Variants in ATXN8OS observed in about 807,000 individuals in gnomAD.
The protein encoded by ATXN8OS is ATXN8 opposite strand lncRNA.
rs544136621 is a variant in ATXN8OS at position 70,118,978 on chromosome 13, A to C, written n.398+3680A>C. Among the ~76,000 whole-genome samples, 3 of 152,076 alleles carry C rather than the reference A, an allele frequency of 2.0e-5. No individual in the cohort carries two copies. The South Asian group carries it at 6.2e-4, about 31-fold the overall frequency. ...CTGGCACTCAAAAATATGTCAAGCC[A>C]TGGAAAGCTAATTGAAACCACTGAA... On this transcript the variant is annotated intron_variant and non_coding_transcript_variant, in intron 2 of 4. Transcript: ENST00000678624.
At chr13:70,149,237 T>C (rs1454194286) in intron 4 of ATXN8OS, among the ~76,000 whole-genome samples, 1 of 152,130 alleles carries the variant, frequency 6.6e-6, no homozygotes. Flanking sequence ...GTAAGTCATT[T>C]CATAATTACT....
intron 3 of ATXN8OS, among the ~76,000 whole-genome samples, chr13:70,146,512 C>G (rs1351192662): frequency 1.3e-5 from 2 of 152,232 alleles, no homozygotes; most frequent in Non-Finnish European, 2.9e-5. Flanking sequence ...TTGAAACCAA[C>G]CCAAATGTCC....
chr13:70,134,972 T>A (rs1013174315), intron 3 of ATXN8OS, among the ~76,000 whole-genome samples: 4 of 152,154 alleles, frequency 2.6e-5, no homozygotes, highest in Admixed American at 2.6e-4. Context: ...CTTGTTCTCT[T>A]GGGATGGAAG....
intron 4 of ATXN8OS, among the ~76,000 whole-genome samples, chr13:70,161,646 T>A (rs1889009831): frequency 6.6e-6 from 1 of 152,148 alleles, no homozygotes; most frequent in Non-Finnish European, 1.5e-5. Flanking sequence ...TATTTGATTA[T>A]TTTCTGTATT....
chr13:70,119,984 A>G (rs1888334992), intron 2 of ATXN8OS, among the ~76,000 whole-genome samples: 1 of 152,120 alleles, frequency 6.6e-6, no homozygotes, highest in Admixed American at 6.6e-5. Context: ...TTTAACCTGC[A>G]GTTTACATTT....
chr13:70,108,283 ATGCCCCGATAGCC>A (rs1283536504), intron 1 of ATXN8OS: 2 of 367,910 alleles, frequency 5.4e-6, no homozygotes, highest in Non-Finnish European at 9.6e-6. Flanking sequence ...CTTTTCGAGG[ATGCCCCGATAGCC>A]TGCCGGGTGG....
chr13:70,124,266 A>G (rs1888398092), intron 2 of ATXN8OS, among the ~76,000 whole-genome samples: 1 of 152,134 alleles, frequency 6.6e-6, no homozygotes, highest in South Asian at 2.1e-4. Flanking sequence ...CTTTTGTGAA[A>G]CCTATTCTAG....
At chr13:70,135,611 A>G (rs749937975) in intron 3 of ATXN8OS, among the ~76,000 whole-genome samples, 11 of 151,602 alleles carry the variant, frequency 7.3e-5, no homozygotes, top group Non-Finnish European at 2.9e-5. Context: ...TATAATTTAC[A>G]TGGGTCCATA....
At chr13:70,145,254 C>G (rs1484229777) in intron 3 of ATXN8OS, among the ~76,000 whole-genome samples, 2 of 152,048 alleles carry the variant, frequency 1.3e-5, no homozygotes, top group East Asian at 1.9e-4. Context: ...GTTACTGTAG[C>G]CTTGTAGTAT....
intron 3 of ATXN8OS, among the ~76,000 whole-genome samples, chr13:70,143,090 G>A (rs1041481180): frequency 6.7e-6 from 1 of 150,254 alleles, no homozygotes; most frequent in African/African-American, 2.4e-5. Flanking sequence ...AATCGTAAAT[G>A]TACATGACAT....
intron 3 of ATXN8OS, among the ~76,000 whole-genome samples, chr13:70,131,758 C>T (rs967476849): frequency 6.6e-6 from 1 of 152,146 alleles, no homozygotes; most frequent in Admixed American, 6.6e-5. Flanking sequence ...GTGTGTACAA[C>T]TGCATCCTTG....
intron 4 of ATXN8OS, among the ~76,000 whole-genome samples, chr13:70,159,688 T>C (rs1365128998): frequency 6.6e-6 from 1 of 152,176 alleles, no homozygotes; most frequent in East Asian, 1.9e-4. Flanking sequence ...GCTGTCTTTG[T>C]TGTAGCCAAA....
In ATXN8OS at chr13:70,166,426, A is replaced by G. The variant is rs535757257; in HGVS notation, n.574-3327A>G. ...ACAAGAAATGGGGAAAGGATTCCCTATTTAATAAATGGTGCTGGGAAAACT... is the reference window on the plus strand; with the variant it reads ...ACAAGAAATGGGGAAAGGATTCCCTGTTTAATAAATGGTGCTGGGAAAACT... On this transcript the variant is annotated intron_variant and non_coding_transcript_variant, in intron 4 of 4. Coordinates refer to ENST00000678624, the Ensembl canonical transcript of ATXN8OS. Among the ~76,000 whole-genome samples the G allele has an allele frequency of 4.6e-5, 7 of 152,190 alleles. No homozygotes were observed. The East Asian group carries it at 1.4e-3, about 29-fold the overall frequency.
intron 3 of ATXN8OS, among the ~76,000 whole-genome samples, chr13:70,147,215 G>A (rs1326159604): frequency 2.6e-5 from 4 of 152,070 alleles, no homozygotes; most frequent in Non-Finnish European, 5.9e-5. Context: ...AAGAAATATT[G>A]TTCACTGTTT....
chr13:70,154,624 G>C (rs1888914052), intron 4 of ATXN8OS, among the ~76,000 whole-genome samples: 1 of 152,158 alleles, frequency 6.6e-6, no homozygotes, highest in African/African-American at 2.4e-5. Flanking sequence ...TCAGCAATAG[G>C]CACAGCCCAG....
intron 3 of ATXN8OS, among the ~76,000 whole-genome samples, chr13:70,140,257 A>G (rs1431442813): frequency 4.0e-5 from 6 of 151,802 alleles, no homozygotes; most frequent in Admixed American, 1.3e-4. Flanking sequence ...TCTGTCAACA[A>G]TAAGTTATTT....
exon 5 of ATXN8OS, among the ~76,000 whole-genome samples, chr13:70,170,823 T>C (rs772026451): frequency 4.4e-4 from 67 of 152,092 alleles, no homozygotes; most frequent in Non-Finnish European, 8.4e-4. Flanking sequence ...TTACAAGTAA[T>C]AGCCTACTAC....
At chr13:70,162,533 C>T (rs1441904537) in intron 4 of ATXN8OS, among the ~76,000 whole-genome samples, 1 of 151,974 alleles carries the variant, frequency 6.6e-6, no homozygotes, top group South Asian at 2.1e-4. Context: ...AGGCTAGTTT[C>T]CTGATGAAAA....
At chr13:70,148,579 T>A (rs1888820909) in intron 4 of ATXN8OS, among the ~76,000 whole-genome samples, 1 of 152,128 alleles carries the variant, frequency 6.6e-6, no homozygotes. Context: ...GGGTATAATT[T>A]TAATTTAGAT....
Sources: gnomAD v4.1 joint callset for allele counts (sites outside exome capture counted in the v4.1 genomes callset) on GRCh38, gnomAD v4.1.1 for gene constraint, MANE v1.5 for transcripts, NCBI Gene and HGNC (gene_info 2026-07-23, HGNC 2026-07-21) for gene names.